The following ANK1 variants were observed in gnomAD, a reference collection of about 807,000 sequenced individuals.
ANK1 encodes ankyrin-1.
ANK1 carries 51 observed loss-of-function variants against 210.4 expected under a neutral mutation model. That is an observed-to-expected ratio of 0.24 (90% confidence interval 0.19 to 0.31). The LOEUF is 0.31. ANK1 is among the 10% of genes least tolerant of loss of function. ANK1 has a pLI of 1.00. For missense variants in ANK1, 2,051 were observed against 2,504.4 expected, an observed-to-expected ratio of 0.82 and a Z score of 3.86; for synonymous variants, 967 against 1,025.9, an observed-to-expected ratio of 0.94 and a Z score of 1.10.
intron 1 of ANK1, among the ~76,000 whole-genome samples, chr8:41,889,057 T>A (rs1162391277): frequency 1.3e-5 from 2 of 152,202 alleles, no homozygotes; most frequent in African/African-American, 4.8e-5. Context: ...CCCAGGTTGG[T>A]CTTGAACTCC....
intron 37 of ANK1, among the ~76,000 whole-genome samples, chr8:41,683,053 T>C (rs1332543241): frequency 6.8e-6 from 1 of 147,412 alleles, no homozygotes; most frequent in African/African-American, 2.7e-5. Context: ...CACACATGTA[T>C]GCACACGCAC....
intron 35 of ANK1, among the ~76,000 whole-genome samples, chr8:41,687,367 T>A (rs1050166364): frequency 6.6e-6 from 1 of 152,048 alleles, no homozygotes; most frequent in Non-Finnish European, 1.5e-5. Flanking sequence ...AAAGACAGGG[T>A]TTCTGACATT....
intron 2 of ANK1, among the ~76,000 whole-genome samples, chr8:41,739,346 A>G (rs1218505095): frequency 6.6e-6 from 1 of 152,060 alleles, no homozygotes; most frequent in Admixed American, 6.6e-5. Flanking sequence ...TCTCTGCTGA[A>G]AATTTCCATC....
intron 2 of ANK1, among the ~76,000 whole-genome samples, chr8:41,756,192 G>T (rs1385961166): frequency 6.6e-6 from 1 of 152,028 alleles, no homozygotes; most frequent in Non-Finnish European, 1.5e-5. Flanking sequence ...GCCCAGGCTG[G>T]AGTGTAGTGG....
At chr8:41,682,469 G>C (rs1816368590) in intron 37 of ANK1, among the ~76,000 whole-genome samples, 1 of 152,240 alleles carries the variant, frequency 6.6e-6, no homozygotes, top group Non-Finnish European at 1.5e-5. Context: ...GTTTTGTTTT[G>C]TCTGGTTGAG....
chr8:41,886,839 C>T (rs1042779264), intron 1 of ANK1, among the ~76,000 whole-genome samples: 1 of 152,172 alleles, frequency 6.6e-6, no homozygotes, highest in African/African-American at 2.4e-5. Flanking sequence ...CACTGAAGGA[C>T]TGAAAGAAGG....
chr8:41,784,495 G>A lies in ANK1; in HGVS notation c.27+13017C>T, dbSNP rs965645413. Among the ~76,000 whole-genome samples, 7 of 152,134 alleles carry A rather than the reference G, an allele frequency of 4.6e-5. No homozygotes were observed. The East Asian group carries it at 5.8e-4, about 13-fold the overall frequency. ...ATACAATTCAATGCTACCACCTACC[G>A]CAAGGACATTTTTCAGGTAATTGAT... On this transcript the variant is annotated intron_variant, in intron 1 of 42. Transcript: ENST00000289734.
chr8:41,708,997 A>G, intron 16 of ANK1, 22 bp from the exon 17 acceptor site: 1 of 1,613,238 alleles, frequency 6.2e-7, no homozygotes, highest in Non-Finnish European at 8.5e-7. Context: ...GAAGCCGCCC[A>G]GAGCCTGGTT....
chr8:41,725,565 G>T (rs1409250819), intron 6 of ANK1, among the ~76,000 whole-genome samples, 196 bp downstream of exon 6: 2 of 152,210 alleles, frequency 1.3e-5, no homozygotes, highest in African/African-American at 4.8e-5. Flanking sequence ...CCAAGAGCAC[G>T]TTTCTGGGCA....
In ANK1 at chr8:41,834,083, T is replaced by C. The variant is rs569150218; in HGVS notation, c.126+62272A>G. Among the ~76,000 whole-genome samples, 11 of 152,176 alleles carry C rather than the reference T, an allele frequency of 7.2e-5. No individual in the cohort carries two copies. In the South Asian group the frequency reaches 2.3e-3, roughly 32 times the overall value. On this transcript the variant is annotated intron_variant, in intron 1 of 42. Transcript: ENST00000265709. ...GGCACCAGATGGAGGCCTAGCATGATCAGCAGGGGGTTTCCCCCTGTCCCA... is the reference window on the plus strand; with the variant it reads ...GGCACCAGATGGAGGCCTAGCATGACCAGCAGGGGGTTTCCCCCTGTCCCA...
intron 10 of ANK1, 91 bp from the exon 11 acceptor site, chr8:41,718,295 A>G: frequency 7.9e-7 from 1 of 1,272,112 alleles, no homozygotes; most frequent in African/African-American, 1.5e-5. Context: ...TCTAAAAGGC[A>G]GCTGCTGCCC....
rs188681804 is a variant in ANK1, at chr8:41,723,362, T to C, written c.811-139A>G. ...AAGCACCAGCTCGACCTCAGCACAG[T>C]TTTACTATTGCCTCCCACTGCACGC... On this transcript the variant is annotated intron_variant, in intron 8 of 42. Coordinates refer to ENST00000289734, the MANE Select transcript of ANK1 (RefSeq NM_000037.4). The C allele has an allele frequency of 3.4e-4, 400 of 1,172,278 alleles. No individual in the cohort carries two copies. The African/African-American group carries it at 5.0e-3, about 15-fold the overall frequency. 72.6% of individuals were successfully genotyped at this position (1,172,278 alleles called of 1,614,324 possible).
At chr8:41,721,650 T>A (rs1829290500) in intron 9 of ANK1, among the ~76,000 whole-genome samples, 1 of 115,556 alleles carries the variant, frequency 8.7e-6, no homozygotes, top group Non-Finnish European at 1.8e-5. Flanking sequence ...GAGTGAGACT[T>A]CATCTCAAAA....
intron 39 of ANK1, among the ~76,000 whole-genome samples, chr8:41,667,366 C>T (rs1432406955): frequency 6.6e-6 from 1 of 152,136 alleles, no homozygotes; most frequent in Admixed American, 6.5e-5. Flanking sequence ...CTGGATGAGG[C>T]GTGAAAACAG....
intron 1 of ANK1, among the ~76,000 whole-genome samples, chr8:41,822,472 A>G (rs1424929488): frequency 2.0e-5 from 3 of 152,264 alleles, no homozygotes; most frequent in Non-Finnish European, 4.4e-5. Context: ...GGTATCTTCA[A>G]TATACGCATA....
chr8:41,836,247 G>A (rs888057421), intron 1 of ANK1, among the ~76,000 whole-genome samples: 11 of 152,328 alleles, frequency 7.2e-5, no homozygotes, highest in Admixed American at 3.9e-4. Context: ...AAATGCTGCC[G>A]ACTGCTCAGT....
At chr8:41,864,998 C>T (rs1395747064) in intron 1 of ANK1, among the ~76,000 whole-genome samples, 1 of 152,228 alleles carries the variant, frequency 6.6e-6, no homozygotes, top group Non-Finnish European at 1.5e-5. Context: ...ACACGGCAAC[C>T]CCTTCCAGAA....
intron 39 of ANK1, 68 bp from the exon 40 acceptor site, chr8:41,663,810 G>A (rs548542792): frequency 4.5e-5 from 60 of 1,323,022 alleles, no homozygotes; most frequent in Middle Eastern, 1.8e-4. Flanking sequence ...GGTGGAGGAC[G>A]AGGAAATGAA....
intron 1 of ANK1, among the ~76,000 whole-genome samples, chr8:41,834,254 C>A (rs999013148): frequency 6.6e-6 from 1 of 152,192 alleles, no homozygotes; most frequent in Non-Finnish European, 1.5e-5. Context: ...GGCCACGGGG[C>A]AGAAAGCAGG....
Sources: gnomAD v4.1 joint callset for allele counts (sites outside exome capture counted in the v4.1 genomes callset) on GRCh38, gnomAD v4.1.1 for gene constraint, MANE v1.5 for transcripts, NCBI Gene and HGNC (gene_info 2026-07-23, HGNC 2026-07-21) for gene names.